The following MAGI1 variants were observed in gnomAD, a reference collection of about 807,000 sequenced individuals.
MAGI1 encodes membrane-associated guanylate kinase, WW and PDZ domain-containing protein 1.
Under a neutral mutation model 139.9 loss-of-function variants are expected in MAGI1, and 58 were observed. That is an observed-to-expected ratio of 0.41 (90% CI 0.34 to 0.52). MAGI1 has a LOEUF of 0.52. Ranked by LOEUF, MAGI1 falls within the 20% of genes least tolerant of loss-of-function variation. The pLI is 0.12. For synonymous variants in MAGI1, 812 were observed against 737.9 expected, an observed-to-expected ratio of 1.10 and a Z score of -1.63; for missense variants, 1,874 against 1,901.6, an observed-to-expected ratio of 0.99 and a Z score of 0.27.
At chr3:65,481,387 C>T (rs1025046020) in intron 3 of MAGI1, among the ~76,000 whole-genome samples, 5 of 152,134 alleles carry the variant, frequency 3.3e-5, no homozygotes, top group Admixed American at 1.3e-4. Context: ...CTAGGCCAAA[C>T]TGTTAACTTT....
chr3:65,712,519 G>GTTC (rs2031612318), intron 1 of MAGI1, among the ~76,000 whole-genome samples: 3 of 148,906 alleles, frequency 2.0e-5, no homozygotes, highest in African/African-American at 7.4e-5. Flanking sequence ...TTTTGTTGTT[G>GTTC]TTGTTGTTGT....
rs150746733 is a variant in MAGI1, at chr3:65,655,219, C to T, written c.314-33131G>A. Reference sequence around the variant, plus strand: ...TGATGACTGTGAGGACAGACAGAGACGTAGAGCGGAGAAAAAACAGTGTCT... The same window carrying T: ...TGATGACTGTGAGGACAGACAGAGATGTAGAGCGGAGAAAAAACAGTGTCT... On this transcript the variant is annotated intron_variant, in intron 1 of 22. Transcript: ENST00000402939. Among the ~76,000 whole-genome samples the T allele has an allele frequency of 1.2e-4, 19 of 152,112 alleles. No homozygotes were observed. In the East Asian group the frequency reaches 2.7e-3, roughly 22 times the overall value.
At chr3:65,468,536 T>C (rs535070301) in intron 5 of MAGI1, among the ~76,000 whole-genome samples, 7 of 151,896 alleles carry the variant, frequency 4.6e-5, no homozygotes, top group African/African-American at 1.7e-4. Context: ...CCACCATACC[T>C]GGCTAATTTT....
At chr3:65,359,300 T>C (rs1386455701) in intron 22 of MAGI1, 20 of 1,459,326 alleles carry the variant, frequency 1.4e-5, no homozygotes, top group Admixed American at 2.6e-5. Flanking sequence ...AGTTTATTTG[T>C]CCAGTCAGAC....
chr3:65,488,522 G>A (rs374786793), intron 3 of MAGI1, among the ~76,000 whole-genome samples: 1 of 148,514 alleles, frequency 6.7e-6, no homozygotes, highest in African/African-American at 2.5e-5. Context: ...TTTTTTTTTG[G>A]TACAGAGGGG....
chr3:65,667,142 A>G (rs766417170), intron 1 of MAGI1, among the ~76,000 whole-genome samples: 2 of 152,232 alleles, frequency 1.3e-5, no homozygotes, highest in Non-Finnish European at 2.9e-5. Context: ...CATTTTCAAA[A>G]ATCATTTATC....
intron 1 of MAGI1, among the ~76,000 whole-genome samples, chr3:65,656,540 GACA>G (rs1324150898): frequency 6.6e-6 from 1 of 152,100 alleles, no homozygotes; most frequent in Non-Finnish European, 1.5e-5. Context: ...AATGGAATAA[GACA>G]ACATCAAAGG....
chr3:65,599,601 G>T (rs1241749075), intron 2 of MAGI1, among the ~76,000 whole-genome samples: 1 of 152,106 alleles, frequency 6.6e-6, no homozygotes, highest in African/African-American at 2.4e-5. Flanking sequence ...CTCTCTACTT[G>T]TTATACAGAT....
chr3:65,972,341 T>C (rs1310171854), intron 1 of MAGI1, among the ~76,000 whole-genome samples: 1 of 152,216 alleles, frequency 6.6e-6, no homozygotes, highest in African/African-American at 2.4e-5. Context: ...AGAAGAAATT[T>C]TGCTGGTTAA....
At chr3:65,648,058 G>A (rs1175340956) in intron 1 of MAGI1, among the ~76,000 whole-genome samples, 1 of 151,918 alleles carries the variant, frequency 6.6e-6, no homozygotes, top group Non-Finnish European at 1.5e-5. Context: ...AAATCCCAAG[G>A]AATCTGTTTT....
intron 2 of MAGI1, among the ~76,000 whole-genome samples, chr3:65,605,881 C>A (rs1272030860): frequency 6.6e-6 from 1 of 152,144 alleles, no homozygotes; most frequent in Admixed American, 6.5e-5. Context: ...TCCACTTCTA[C>A]CCACAACCCA....
intron 2 of MAGI1, among the ~76,000 whole-genome samples, chr3:65,586,447 AT>A (rs1250753981): frequency 6.6e-6 from 1 of 152,182 alleles, no homozygotes; most frequent in Non-Finnish European, 1.5e-5. Flanking sequence ...TAGTATTATT[AT>A]TCTATAGTTT....
chr3:65,357,090 C>G lies in MAGI1; in HGVS notation c.3677G>C (p.Gly1226Ala), dbSNP rs1171312933. The G allele has an allele frequency of 1.2e-6, 2 of 1,613,624 alleles. No homozygotes were observed. The highest frequency in any genetic ancestry group is 2.2e-5 in the East Asian group (1 of 44,856). The change falls in exon 23 of 23, where the codon GGT becomes GCT. Residue 1226 changes from glycine to alanine, a missense_variant. By Grantham distance (60) the Gly-to-Ala change is moderately conservative. Coordinates refer to ENST00000402939, the MANE Select transcript of MAGI1 (RefSeq NM_001033057.2). ...DRHGPATGPQ[G>A]VPEVRAGPDR... Reference sequence around the variant, plus strand: ...GGGCCCGGCCCTCACTTCCGGAACACCTTGTGGACCGGTGGCGGGGCCGTG... The same window carrying G: ...GGGCCCGGCCCTCACTTCCGGAACAGCTTGTGGACCGGTGGCGGGGCCGTG...
At chr3:65,787,095 T>C (rs1238334963) in intron 1 of MAGI1, among the ~76,000 whole-genome samples, 1 of 152,166 alleles carries the variant, frequency 6.6e-6, no homozygotes, top group Non-Finnish European at 1.5e-5. Context: ...GACTAATTTA[T>C]GGAACAACAA....
intron 1 of MAGI1, among the ~76,000 whole-genome samples, chr3:65,650,622 GA>G (rs1419102867): frequency 6.6e-6 from 1 of 152,186 alleles, no homozygotes; most frequent in Non-Finnish European, 1.5e-5. Context: ...CTGGCCTCCA[GA>G]ACTGTGAGAG....
chr3:65,496,247 T>G (rs186782428), intron 2 of MAGI1, among the ~76,000 whole-genome samples: 20 of 151,750 alleles, frequency 1.3e-4, no homozygotes, highest in Admixed American at 3.3e-4. Flanking sequence ...CTCACTATAT[T>G]GCCCAGGCTG....
At chr3:65,883,853 C>G (rs2060430429) in intron 1 of MAGI1, among the ~76,000 whole-genome samples, 1 of 152,116 alleles carries the variant, frequency 6.6e-6, no homozygotes, top group Non-Finnish European at 1.5e-5. Context: ...TGCAAAATGT[C>G]ACTCCCCCGA....
At chr3:65,797,043 T>C (rs949796267) in intron 1 of MAGI1, among the ~76,000 whole-genome samples, 3 of 152,208 alleles carry the variant, frequency 2.0e-5, no homozygotes, top group Admixed American at 6.5e-5. Context: ...TTACTTTTCA[T>C]CCAGAAAACC....
At chr3:65,791,078 A>T (rs551877414) in intron 1 of MAGI1, among the ~76,000 whole-genome samples, 31 of 152,298 alleles carry the variant, frequency 2.0e-4, no homozygotes, top group African/African-American at 7.5e-4. Context: ...CCTCAAAAAA[A>T]AACCTTAAAA....
Sources: gnomAD v4.1 joint callset for allele counts (sites outside exome capture counted in the v4.1 genomes callset) on GRCh38, gnomAD v4.1.1 for gene constraint, MANE v1.5 for transcripts, NCBI Gene and HGNC (gene_info 2026-07-23, HGNC 2026-07-21) for gene names.